The following RALYL variants were observed in gnomAD, a reference collection of about 807,000 sequenced individuals.
RALYL encodes the protein RALY RNA binding protein like.
Under a neutral mutation model 35.1 loss-of-function variants are expected in RALYL, and 29 were observed. The observed-to-expected ratio is 0.83, with a 90% CI of 0.61 to 1.13. The LOEUF (loss-of-function observed/expected upper bound fraction) is 1.13. Ranked by LOEUF, RALYL falls within the 50% of genes most tolerant of loss-of-function variation. The probability of loss-of-function intolerance (pLI) is 0.00; values close to 1 mark genes in which losing one functional copy is unlikely to be tolerated. For missense variants in RALYL, 359 were observed against 360.4 expected (o/e 1.00, Z 0.03); for synonymous variants, 120 against 127.6 (o/e 0.94, Z 0.40).
intron 2 of RALYL, among the ~76,000 whole-genome samples, chr8:84,680,536 C>A (rs1279159114): frequency 6.6e-6 from 1 of 152,120 alleles, no homozygotes; most frequent in Non-Finnish European, 1.5e-5. Flanking sequence ...TTAATGACTG[C>A]CATTCTAACT....
chr8:84,193,033 C>G (rs61600827), intron 1 of RALYL, among the ~76,000 whole-genome samples: 21 of 150,472 alleles, frequency 1.4e-4, no homozygotes, highest in African/African-American at 5.1e-4. Context: ...AATTTTTTTT[C>G]GTAAGGAAAG....
chr8:84,714,740 T>C (rs2132527275), intron 2 of RALYL, among the ~76,000 whole-genome samples: 1 of 151,958 alleles, frequency 6.6e-6, no homozygotes, highest in Non-Finnish European at 1.5e-5. Context: ...AAATCACCAG[T>C]TTTGTAAGTC....
At chr8:84,420,159 G>C (rs377248753) in intron 1 of RALYL, among the ~76,000 whole-genome samples, 8,795 of 150,524 alleles carry the variant, frequency 0.058, 290 homozygotes, top group East Asian at 0.12. Flanking sequence ...TACAGTCCCA[G>C]CAACAGTGTA....
At chr8:84,557,423 G>A (rs531068438) in intron 2 of RALYL, among the ~76,000 whole-genome samples, 1 of 152,308 alleles carries the variant, frequency 6.6e-6, no homozygotes, top group South Asian at 2.1e-4. Flanking sequence ...GAGTCTCAAA[G>A]CAGAGGGAAA....
intron 1 of RALYL, among the ~76,000 whole-genome samples, chr8:84,325,900 C>T (rs1325392329): frequency 2.6e-5 from 4 of 152,088 alleles, no homozygotes; most frequent in African/African-American, 9.7e-5. Context: ...GAGGCTGAGG[C>T]GGTTGGATCT....
At chr8:84,396,224 A>G (rs1393400535) in intron 1 of RALYL, among the ~76,000 whole-genome samples, 4 of 151,970 alleles carry the variant, frequency 2.6e-5, no homozygotes, top group African/African-American at 4.8e-5. Context: ...AATAATATCT[A>G]TGGTCTATTT....
intron 1 of RALYL, among the ~76,000 whole-genome samples, chr8:84,331,482 C>T (rs1846806527): frequency 6.6e-6 from 1 of 152,098 alleles, no homozygotes; most frequent in African/African-American, 2.4e-5. Flanking sequence ...TGCTTACAGT[C>T]TCTGAACTTG....
chr8:84,776,239 C>T lies in RALYL; in HGVS notation c.332+1585C>T, dbSNP rs1816811099. 2.6e-5 allele frequency among the ~76,000 whole-genome samples: 4 copies of T among 152,214 alleles called. No individual in the cohort carries two copies. The South Asian group carries it at 8.3e-4, about 32-fold the overall frequency. ...GCCACTTATAGCCTCATTTTTTGAA[C>T]TCTAAGATGAGGGTCAGAACTAGAT... is the stretch of plus-strand genomic sequence containing the variant. On this transcript the variant is annotated intron_variant, in intron 3 of 8. Coordinates refer to ENST00000521268, the MANE Select transcript of RALYL (RefSeq NM_173848.7).
At chr8:84,777,842 C>T (rs1425409963) in intron 3 of RALYL, among the ~76,000 whole-genome samples, 3 of 142,452 alleles carry the variant, frequency 2.1e-5, no homozygotes, top group Non-Finnish European at 4.4e-5. Flanking sequence ...AGCATTTCAC[C>T]GTGTTAGCCA....
intron 4 of RALYL, among the ~76,000 whole-genome samples, chr8:84,839,774 C>G (rs1190369984): frequency 6.6e-6 from 1 of 152,194 alleles, no homozygotes; most frequent in African/African-American, 2.4e-5. Context: ...ACAAAACTTC[C>G]AGAGGAACGA....
At chr8:84,773,340 G>A (rs919784137) in intron 2 of RALYL, among the ~76,000 whole-genome samples, 1 of 152,162 alleles carries the variant, frequency 6.6e-6, no homozygotes, top group African/African-American at 2.4e-5. Flanking sequence ...ATAGCTCAGT[G>A]TATTTAGTCC....
At chr8:84,808,152 T>C (rs769990965) in intron 4 of RALYL, among the ~76,000 whole-genome samples, 5 of 152,368 alleles carry the variant, frequency 3.3e-5, no homozygotes, top group Non-Finnish European at 7.3e-5. Flanking sequence ...GATTTAAGTC[T>C]TTAATCCTTC....
chr8:84,615,999 T>G (rs1486720158), intron 2 of RALYL, among the ~76,000 whole-genome samples: 1 of 43,326 alleles, frequency 2.3e-5, no homozygotes, highest in Admixed American at 2.8e-4. Context: ...CTATCATTGT[T>G]GGACATTTGG....
At chr8:84,549,025 T>C (rs766196836) in intron 2 of RALYL, among the ~76,000 whole-genome samples, 1 of 152,202 alleles carries the variant, frequency 6.6e-6, no homozygotes, top group Non-Finnish European at 1.5e-5. Context: ...GCTGTTTCCA[T>C]ATGGATCTAC....
chr8:84,383,841 G>A (rs1275516693), intron 1 of RALYL, among the ~76,000 whole-genome samples: 1 of 150,558 alleles, frequency 6.6e-6, no homozygotes, highest in East Asian at 2.0e-4. Context: ...ATAAATAAAT[G>A]AGCAAAGGTG....
At chr8:84,445,331 A>T (rs1200499952) in intron 1 of RALYL, among the ~76,000 whole-genome samples, 8 of 152,070 alleles carry the variant, frequency 5.3e-5, no homozygotes, top group Non-Finnish European at 2.9e-5. Context: ...CTTTATAATC[A>T]GTATTTTTTC....
chr8:84,481,891 G>A (rs539368926), intron 1 of RALYL, among the ~76,000 whole-genome samples: 4 of 151,796 alleles, frequency 2.6e-5, no homozygotes, highest in African/African-American at 7.2e-5. Flanking sequence ...TGGATGCTGT[G>A]GTATAGATAT....
intron 3 of RALYL, among the ~76,000 whole-genome samples, chr8:84,779,719 T>C (rs1367613737): frequency 6.6e-6 from 1 of 152,180 alleles, no homozygotes; most frequent in African/African-American, 2.4e-5. Context: ...GTAACTCCAA[T>C]GATAAAAAAT....
chr8:84,565,578 A>G (rs1187580550), intron 2 of RALYL, among the ~76,000 whole-genome samples: 2 of 151,582 alleles, frequency 1.3e-5, no homozygotes, highest in African/African-American at 2.4e-5. Flanking sequence ...TCTATCCTAG[A>G]ATTTTTTTGA....
Sources: gnomAD v4.1 joint callset for allele counts (sites outside exome capture counted in the v4.1 genomes callset) on GRCh38, gnomAD v4.1.1 for gene constraint, MANE v1.5 for transcripts, NCBI Gene and HGNC (gene_info 2026-07-23, HGNC 2026-07-21) for gene names.